The following VAV3 variants were observed in gnomAD, a reference collection of about 807,000 sequenced individuals.
The protein encoded by VAV3 is vav guanine nucleotide exchange factor 3.
Under a neutral mutation model 131.2 loss-of-function variants are expected in VAV3, and 94 were observed. That is an observed-to-expected ratio of 0.72 (90% CI 0.61 to 0.85). VAV3 has a LOEUF of 0.85. Among genes scored for constraint, VAV3 ranks in the 40% least tolerant of loss-of-function variants. The probability of loss-of-function intolerance (pLI) is 0.00; values close to 1 mark genes in which losing one functional copy is unlikely to be tolerated. For missense variants in VAV3, 939 were observed against 1,002.7 expected (o/e 0.94, Z 0.86); for synonymous variants, 349 against 342.0 (o/e 1.02, Z -0.22).
At chr1:107,808,681 C>T (rs915982475) in intron 2 of VAV3, among the ~76,000 whole-genome samples, 2 of 151,988 alleles carry the variant, frequency 1.3e-5, no homozygotes, top group Admixed American at 1.3e-4. Context: ...GAAGTGTTGC[C>T]CCAATGATTC....
At chr1:107,758,049 A>G (rs1192298072) in intron 10 of VAV3, among the ~76,000 whole-genome samples, 1 of 152,066 alleles carries the variant, frequency 6.6e-6, no homozygotes, top group East Asian at 1.9e-4. Flanking sequence ...ACATTCCCCA[A>G]ACTTAATCAA....
At chr1:107,700,244 G>T (rs528578876) in intron 17 of VAV3, among the ~76,000 whole-genome samples, 4 of 151,894 alleles carry the variant, frequency 2.6e-5, no homozygotes, top group Non-Finnish European at 2.9e-5. Context: ...CTTCCTTATG[G>T]CCTGAAGACA....
At chr1:107,890,212 T>C in intron 1 of VAV3, among the ~76,000 whole-genome samples, 1 of 152,182 alleles carries the variant, frequency 6.6e-6, no homozygotes, top group Non-Finnish European at 1.5e-5. Context: ...TGCTAACCAT[T>C]ACACTATGGC....
intron 1 of VAV3, among the ~76,000 whole-genome samples, chr1:107,895,642 G>T (rs1182976248): frequency 6.6e-6 from 1 of 152,084 alleles, no homozygotes; most frequent in Non-Finnish European, 1.5e-5. Flanking sequence ...AGACTACCCA[G>T]TGACACAGGA....
chr1:107,605,767 A>G (rs1442925235), intron 22 of VAV3, among the ~76,000 whole-genome samples: 1 of 152,230 alleles, frequency 6.6e-6, no homozygotes, highest in East Asian at 1.9e-4. Flanking sequence ...AAACATAAAT[A>G]AATTTTGTGT....
At position 107,783,612 on chromosome 1, in the gene VAV3, C is replaced by T. The variant is rs371778470; in HGVS notation, c.322-4120G>A. On this transcript the variant is annotated intron_variant, in intron 2 of 26. Coordinates refer to ENST00000370056, the MANE Select transcript of VAV3 (RefSeq NM_006113.5). ...TTCTACATGGTGGACATGTACCATC[C>T]TGAACCCAGTGAGGCCACCCACTCC... Among the ~76,000 whole-genome samples, 9 of 152,270 alleles carry T rather than the reference C, an allele frequency of 5.9e-5. No individual in the cohort carries two copies. The East Asian group carries it at 1.5e-3, about 26-fold the overall frequency.
At chr1:107,832,949 C>CAA (rs1668315963) in intron 2 of VAV3, among the ~76,000 whole-genome samples, 1 of 152,038 alleles carries the variant, frequency 6.6e-6, no homozygotes, top group African/African-American at 2.4e-5. Flanking sequence ...TTTTCACTAT[C>CAA]AAAAGTTTTA....
chr1:107,882,267 C>T (rs933902221), intron 1 of VAV3, among the ~76,000 whole-genome samples: 6 of 152,124 alleles, frequency 3.9e-5, no homozygotes, highest in African/African-American at 1.4e-4. Flanking sequence ...CCAGAGCCAA[C>T]CTGTGTGTTG....
At chr1:107,612,602 A>G (rs1406415254) in intron 21 of VAV3, among the ~76,000 whole-genome samples, 1 of 152,096 alleles carries the variant, frequency 6.6e-6, no homozygotes, top group African/African-American at 2.4e-5. Context: ...TTTTCTGTTA[A>G]GTATGGTTCA....
At chr1:107,672,252 G>C (rs1163320080) in intron 19 of VAV3, 3 of 110,148 alleles carry the variant, frequency 2.7e-5, no homozygotes, top group East Asian at 2.8e-4. Flanking sequence ...CTGGGCAACA[G>C]AGCAAGACTC....
intron 1 of VAV3, among the ~76,000 whole-genome samples, chr1:107,905,562 A>G (rs1017464987): frequency 6.6e-6 from 1 of 152,208 alleles, no homozygotes; most frequent in Non-Finnish European, 1.5e-5. Flanking sequence ...ACTTTTTATG[A>G]ATGAAACTTT....
intron 3 of VAV3, among the ~76,000 whole-genome samples, chr1:107,778,641 C>T (rs891738535): frequency 1.3e-5 from 2 of 152,144 alleles, no homozygotes; most frequent in Middle Eastern, 3.2e-3. Context: ...GATCCTCTCT[C>T]CCTTAGAATG....
Position 107,571,625 on chromosome 1 carries a change from ATCCAT to A in VAV3, c.*1701_*1705del, listed in dbSNP as rs1441255521. 9 of 152,776 alleles carry A rather than the reference ATCCAT, an allele frequency of 5.9e-5. No individual in the cohort carries two copies. Among genetic ancestry groups the A allele is most frequent in the African/African-American group, 1.9e-4 (8 of 41,588 alleles). The allele number at this position is 152,776 out of a possible 1,614,324, so 9.5% of individuals were successfully genotyped here. On this transcript the variant is annotated 3_prime_UTR_variant, in exon 27 of 27. Transcript: ENST00000370056. ...CGCAGATAAGACTTTACAGGAAAGA[ATCCAT>A]TCCAAGAGTACACTTTGAGGTGTAA...
chr1:107,715,842 A>T (rs919290678), intron 15 of VAV3, among the ~76,000 whole-genome samples: 1 of 152,190 alleles, frequency 6.6e-6, no homozygotes, highest in Non-Finnish European at 1.5e-5. Flanking sequence ...AACACTGCAG[A>T]TAACATGAAT....
intron 20 of VAV3, among the ~76,000 whole-genome samples, chr1:107,630,791 A>T (rs1654408246): frequency 6.6e-6 from 1 of 152,222 alleles, no homozygotes; most frequent in South Asian, 2.1e-4. Context: ...TGCCTAAAAA[A>T]ACACATGGCT....
chr1:107,702,635 G>C (rs143045580), intron 17 of VAV3, among the ~76,000 whole-genome samples: 10 of 132,272 alleles, frequency 7.6e-5, no homozygotes, highest in African/African-American at 2.0e-4. Context: ...AATTTTCAAT[G>C]ATTTCCTATT....
At chr1:107,813,741 C>T (rs959951580) in intron 2 of VAV3, among the ~76,000 whole-genome samples, 1 of 152,086 alleles carries the variant, frequency 6.6e-6, no homozygotes, top group South Asian at 2.1e-4. Context: ...ATTAACCAAC[C>T]TCTCTTCAAC....
intron 15 of VAV3, among the ~76,000 whole-genome samples, chr1:107,712,830 T>A (rs1471172811): frequency 2.0e-5 from 3 of 152,198 alleles, no homozygotes; most frequent in Non-Finnish European, 2.9e-5. Context: ...ACTGCAGCTA[T>A]GACAAGTGCT....
intron 2 of VAV3, among the ~76,000 whole-genome samples, chr1:107,849,774 G>A (rs1388168112): frequency 6.6e-6 from 1 of 152,074 alleles, no homozygotes; most frequent in Non-Finnish European, 1.5e-5. Context: ...TCAACAGAGT[G>A]AACAGGCAAC....
Sources: allele counts gnomAD v4.1 joint callset (sites outside exome capture counted in the v4.1 genomes callset), GRCh38; gene constraint gnomAD v4.1.1; transcripts MANE v1.5; gene names NCBI Gene and HGNC (gene_info 2026-07-23, HGNC 2026-07-21).